LAMC1: variants seen among roughly 807,000 people sequenced by gnomAD.
LAMC1 encodes the protein laminin subunit gamma-1.
A neutral mutation model predicts 173.6 loss-of-function variants in LAMC1; 38 were observed. The observed-to-expected ratio is 0.22, with a 90% CI of 0.17 to 0.29. LAMC1 has a LOEUF of 0.29. Ranked by LOEUF, LAMC1 falls within the 10% of genes least tolerant of loss-of-function variation. LAMC1 has a pLI of 1.00. For synonymous variants in LAMC1, 746 were observed against 749.1 expected, an observed-to-expected ratio of 1.00 and a Z score of 0.07; for missense variants, 1,824 against 2,051.8, an observed-to-expected ratio of 0.89 and a Z score of 2.14.
intron 1 of LAMC1, among the ~76,000 whole-genome samples, chr1:183,099,547 T>G (rs1386769819): frequency 6.6e-6 from 1 of 152,144 alleles, no homozygotes; most frequent in Admixed American, 6.5e-5. Flanking sequence ...CTCAAAACCA[T>G]CTTTCCTTGG....
chr1:183,035,060 G>A (rs897406699), intron 1 of LAMC1, among the ~76,000 whole-genome samples: 14 of 152,176 alleles, frequency 9.2e-5, no homozygotes, highest in African/African-American at 2.2e-4. Flanking sequence ...TCAAATTGAG[G>A]AGTAAAATGA....
At chr1:183,100,432 C>T (rs1030798447) in intron 1 of LAMC1, among the ~76,000 whole-genome samples, 2 of 152,344 alleles carry the variant, frequency 1.3e-5, no homozygotes. Flanking sequence ...TTGTTTGCCT[C>T]ATCTCCAGCC....
chr1:183,090,314 A>AT (rs1243695947), intron 1 of LAMC1, among the ~76,000 whole-genome samples: 1 of 152,146 alleles, frequency 6.6e-6, no homozygotes, highest in Non-Finnish European at 1.5e-5. Context: ...CATTTTAGCT[A>AT]TTTTGTAGAA....
At chr1:183,121,677 G>A (rs1201099994) in intron 11 of LAMC1, 46 bp from the exon 12 acceptor site, 3 of 1,526,986 alleles carry the variant, frequency 2.0e-6, no homozygotes, top group Non-Finnish European at 8.9e-7. Context: ...CACAAGGTTT[G>A]GAAAACAAGC....
At chr1:183,078,624 T>C (rs746084739) in intron 1 of LAMC1, among the ~76,000 whole-genome samples, 1 of 152,020 alleles carries the variant, frequency 6.6e-6, no homozygotes, top group African/African-American at 2.4e-5. Flanking sequence ...CTCATTCTTA[T>C]GTTGTTGTTT....
Position 183,127,297 on chromosome 1 carries a change from G to A in LAMC1, c.3016G>A (p.Gly1006Ser), listed in dbSNP as rs745322778. Residue 1006 changes from glycine (G) to serine (S), a missense_variant, in exon 17 of 28, where the codon GGC becomes AGC. Transcript: ENST00000258341. ...TGATGGTCGCTGTGAATGCAGAGAA[G>A]GCTTTGTGGGAAATCGCTGTGACCA... is the stretch of plus-strand genomic sequence containing the variant. Reference protein sequence around the residue: ...KDDGRCECREGFVGNRCDQCE... With the variant: ...KDDGRCECRESFVGNRCDQCE... The A allele has an allele frequency of 6.8e-6, 11 of 1,614,086 alleles. 1 individual carries two copies. The South Asian group carries it at 1.2e-4, about 18-fold the overall frequency.
Position 183,077,776 on chromosome 1 carries a change from G to GTGTGTGTGTGTGTGTATATATATATATA in LAMC1, c.419-25551_419-25550insGTGTGTGTGTGTGTATATATATATATAT. Among the ~76,000 whole-genome samples, 4 of 116,556 alleles carry GTGTGTGTGTGTGTGTATATATATATATA rather than the reference G, an allele frequency of 3.4e-5. 1 individual carries two copies. The highest frequency in any genetic ancestry group is 5.4e-4 in the East Asian group (2 of 3,716). The allele number at this position is 116,556 out of a possible 152,430, so 76.5% of individuals were successfully genotyped here. A position where few individuals can be genotyped will look rare whatever the true frequency, so the allele number is the denominator to read the frequency against. ...TGAATAGTATTTTTATGGCCATTGT[G>GTGTGTGTGTGTGTGTATATATATATATA]TATATATATATATATATATACAGTA... is the stretch of plus-strand genomic sequence containing the variant. On this transcript the variant is annotated intron_variant, in intron 1 of 27. Coordinates refer to ENST00000258341, the MANE Select transcript of LAMC1 (RefSeq NM_002293.4).
At chr1:183,067,203 T>C (rs1482819086) in intron 1 of LAMC1, among the ~76,000 whole-genome samples, 1 of 152,206 alleles carries the variant, frequency 6.6e-6, no homozygotes, top group Non-Finnish European at 1.5e-5. Context: ...AATCTAGGAC[T>C]TTGTCTAACT....
chr1:183,096,880 A>T (rs963067270), intron 1 of LAMC1, among the ~76,000 whole-genome samples: 1 of 152,214 alleles, frequency 6.6e-6, no homozygotes, highest in Non-Finnish European at 1.5e-5. Flanking sequence ...AGCCAATAGA[A>T]ACTAGCCCTT....
At chr1:183,089,353 A>G (rs556783792) in intron 1 of LAMC1, among the ~76,000 whole-genome samples, 100 of 152,366 alleles carry the variant, frequency 6.6e-4, no homozygotes, top group African/African-American at 2.3e-3. Flanking sequence ...AGCAGATTAA[A>G]GGGCCCATGT....
intron 1 of LAMC1, among the ~76,000 whole-genome samples, chr1:183,098,286 C>G (rs1655745307): frequency 6.6e-6 from 1 of 152,158 alleles, no homozygotes; most frequent in African/African-American, 2.4e-5. Context: ...GAATAAAAAG[C>G]TCCTTAGTGT....
At position 183,143,031 on chromosome 1, in the gene LAMC1, A is replaced by G. The variant is rs1404504241; in HGVS notation, c.*241A>G. On this transcript the variant is annotated 3_prime_UTR_variant, in exon 28 of 28. Coordinates refer to ENST00000258341, the MANE Select transcript of LAMC1 (RefSeq NM_002293.4). The stretch of plus-strand genomic sequence containing the variant: ...CCATTCACGTTGCTACCTTACCCAC[A>G]CTTTCCCTTCTGATTTGCGTGAGGA... 6.8e-6 allele frequency: 3 copies of G among 443,970 alleles called. No homozygotes were observed. The highest frequency in any genetic ancestry group is 4.0e-5 in the Admixed American group (1 of 24,736). 27.5% of individuals were successfully genotyped at this position (443,970 alleles called of 1,614,324 possible).
intron 2 of LAMC1, 123 bp downstream of exon 2, chr1:183,103,755 CA>C: frequency 1.3e-6 from 1 of 744,874 alleles, no homozygotes; most frequent in Non-Finnish European, 2.1e-6. Flanking sequence ...AATACTTGAG[CA>C]ACACAGACAG....
chr1:183,109,871 C>A (rs1039764651), intron 3 of LAMC1, among the ~76,000 whole-genome samples: 1 of 152,186 alleles, frequency 6.6e-6, no homozygotes, highest in Admixed American at 6.5e-5. Flanking sequence ...CAGACAACCT[C>A]AGGGGATATT....
rs746805266 is a variant in LAMC1, at chr1:183,142,719, C to G, written c.4759C>G (p.Arg1587Gly). 1.7e-5 allele frequency: 28 copies of G among 1,613,984 alleles called. No individual in the cohort carries two copies. The highest frequency in any genetic ancestry group is 2.1e-5 in the Non-Finnish European group (25 of 1,179,932). ...RDIEEIMKDI[R>G]NLEDIRKTLP... ...TATCGAGGAGATCATGAAGGACATT[C>G]GCAATCTGGAGGACATCAGGAAGAC... is the stretch of plus-strand genomic sequence containing the variant. Residue 1587 changes from arginine (R) to glycine (G), a missense_variant, in exon 28 of 28, where the codon CGC becomes GGC. Coordinates refer to ENST00000258341, the MANE Select transcript of LAMC1 (RefSeq NM_002293.4).
intron 1 of LAMC1, among the ~76,000 whole-genome samples, chr1:183,049,765 A>G (rs1045725480): frequency 6.6e-6 from 1 of 151,984 alleles, no homozygotes; most frequent in Non-Finnish European, 1.5e-5. Context: ...TGCCAAGCCA[A>G]AAGTGTCTGT....
At chr1:183,075,197 C>T (rs1282788869) in intron 1 of LAMC1, among the ~76,000 whole-genome samples, 1 of 150,788 alleles carries the variant, frequency 6.6e-6, no homozygotes, top group Non-Finnish European at 1.5e-5. Context: ...GTGATCACAG[C>T]CCACTGCAGC....
intron 11 of LAMC1, among the ~76,000 whole-genome samples, chr1:183,120,675 G>A (rs1285538747): frequency 6.6e-6 from 1 of 152,116 alleles, no homozygotes; most frequent in African/African-American, 2.4e-5. Context: ...TTGTATCAGG[G>A]GCACCACTGG....
chr1:183,080,009 C>T (rs1376777949), intron 1 of LAMC1, among the ~76,000 whole-genome samples: 1 of 151,918 alleles, frequency 6.6e-6, no homozygotes, highest in African/African-American at 2.4e-5. Flanking sequence ...TTTGAGGAGC[C>T]GAGATGGGTG....
Sources: gnomAD v4.1 joint callset for allele counts (sites outside exome capture counted in the v4.1 genomes callset) on GRCh38, gnomAD v4.1.1 for gene constraint, MANE v1.5 for transcripts, NCBI Gene and HGNC (gene_info 2026-07-23, HGNC 2026-07-21) for gene names.